Variants in PCSK4 observed in about 807,000 individuals in gnomAD.
PCSK4 encodes the protein testicular tissue protein Li 135.
A neutral mutation model predicts 80.3 loss-of-function variants in PCSK4; 64 were observed. The ratio of observed to expected loss-of-function variants is 0.80; its 90% CI spans 0.65 to 0.98. The LOEUF is 0.98. PCSK4 is among the 50% of genes least tolerant of loss of function. The pLI is 0.00. For synonymous variants in PCSK4, 561 were observed against 487.6 expected (o/e 1.15, Z -1.98); for missense variants, 1,213 against 1,093.6 (o/e 1.11, Z -1.54).
At chr19:1,488,601 G>C (rs894351224) in intron 2 of PCSK4, among the ~76,000 whole-genome samples, 6 of 151,582 alleles carry the variant, frequency 4.0e-5, no homozygotes, top group African/African-American at 1.5e-4. Context: ...CTTTTTTTGA[G>C]ACAGAGTCTT....
At chr19:1,482,374 C>A in exon 14 of PCSK4, 1 of 1,545,912 alleles carries the variant, frequency 6.5e-7, no homozygotes. Flanking sequence ...CCCTCTGTGT[C>A]CCGCTGCACA....
intron 6 of PCSK4, 84 bp downstream of exon 6, chr19:1,487,519 C>T: frequency 7.9e-7 from 1 of 1,260,792 alleles, no homozygotes; most frequent in Non-Finnish European, 1.1e-6. Context: ...GGGTGGGCTC[C>T]CGAGTCCTTG....
chr19:1,490,386 C>T, exon 1 of PCSK4: 5 of 792,580 alleles, frequency 6.3e-6, no homozygotes, highest in East Asian at 6.3e-5. Context: ...AATCCCCTCC[C>T]TCCCGCCAAA....
exon 4 of PCSK4, chr19:1,488,039 C>T: frequency 1.2e-6 from 2 of 1,613,478 alleles, no homozygotes; most frequent in Non-Finnish European, 8.5e-7. Flanking sequence ...CCTGGCCTGA[C>T]AGCCCCTGAC....
intron 11 of PCSK4, 54 bp downstream of exon 11, chr19:1,483,596 G>A: frequency 6.8e-7 from 1 of 1,479,000 alleles, no homozygotes; most frequent in Non-Finnish European, 9.2e-7. Context: ...GAGGCCTCAG[G>A]CCTGTCCCCC....
intron 8 of PCSK4, among the ~76,000 whole-genome samples, chr19:1,485,926 C>T (rs1238556829): frequency 6.6e-6 from 1 of 151,900 alleles, no homozygotes; most frequent in South Asian, 2.1e-4. Context: ...CCACTTTGGC[C>T]TCCCAAAGTG....
exon 3 of PCSK4, chr19:1,488,257 C>T (rs777742178): frequency 1.7e-5 from 27 of 1,613,396 alleles, no homozygotes; most frequent in East Asian, 6.7e-5. Context: ...GCCGCTGCAG[C>T]GTCTGCTGCT....
intron 8 of PCSK4, among the ~76,000 whole-genome samples, chr19:1,484,985 G>A (rs968920175): frequency 1.3e-5 from 2 of 148,402 alleles, no homozygotes; most frequent in Non-Finnish European, 3.0e-5. Context: ...GTCTCTACAG[G>A]AAAAATACAA....
intron 7 of PCSK4, 25 bp downstream of exon 7, chr19:1,487,116 C>CT (rs2084665443): frequency 6.2e-7 from 1 of 1,602,324 alleles, no homozygotes; most frequent in African/African-American, 1.3e-5. Context: ...CCTGCCACCC[C>CT]TGCCCTCCTC....
intron 2 of PCSK4, among the ~76,000 whole-genome samples, chr19:1,488,587 T>A (rs959621482): frequency 6.6e-6 from 1 of 152,136 alleles, no homozygotes; most frequent in Non-Finnish European, 1.5e-5. Flanking sequence ...TCCTTATTTT[T>A]TTTCTTTTTT....
At position 1,483,035 on chromosome 19, in the gene PCSK4, TGGGTGG is replaced by T; in HGVS notation, c.1572-21_1572-16del. The T allele has an allele frequency of 3.3e-4, 102 of 311,806 alleles. No homozygotes were observed. Among genetic ancestry groups the T allele is most frequent in the Middle Eastern group, 6.0e-4 (1 of 1,676 alleles). The allele number at this position is 311,806 out of a possible 1,614,324, so 19.3% of individuals were successfully genotyped here. A position where few individuals can be genotyped will look rare whatever the true frequency, so the allele number is the denominator to read the frequency against. On this transcript the variant is annotated splice_polypyrimidine_tract_variant and intron_variant, in intron 12 of 14. Coordinates refer to ENST00000300954, the Ensembl canonical transcript of PCSK4. Reference sequence around the variant, plus strand: ...CGTCCAAGGGTCTGGGACAGAAGGGTGGGTGGGGGTGGGGGTGTCAAGAGGGATGGC... The same window carrying T: ...CGTCCAAGGGTCTGGGACAGAAGGGTGGGTGGGGGTGTCAAGAGGGATGGC...
Position 1,487,129 on chromosome 19 carries a change from G to A in PCSK4, c.855+12C>T. ...GGCCTGCCACCCCTGCCCTCCTCGGGCTGCCACTCACCTTGGTCACACCAC... is the reference window on the plus strand; with the variant it reads ...GGCCTGCCACCCCTGCCCTCCTCGGACTGCCACTCACCTTGGTCACACCAC... On this transcript the variant is annotated intron_variant, in intron 7 of 14. Coordinates refer to ENST00000300954, the Ensembl canonical transcript of PCSK4. The A allele has an allele frequency of 6.2e-7, 1 of 1,603,070 alleles. No homozygotes were observed. Among genetic ancestry groups the A allele is most frequent in the African/African-American group, 1.3e-5 (1 of 74,904 alleles).
intron 8 of PCSK4, among the ~76,000 whole-genome samples, chr19:1,486,457 C>T (rs1304475628): frequency 2.0e-5 from 3 of 151,850 alleles, no homozygotes; most frequent in East Asian, 1.9e-4. Context: ...CCACCACGCC[C>T]GGCTAATTTT....
chr19:1,486,390 G>A (rs1167443817), intron 8 of PCSK4, among the ~76,000 whole-genome samples: 2 of 151,472 alleles, frequency 1.3e-5, no homozygotes, highest in South Asian at 2.1e-4. Context: ...CCTGCCTCCC[G>A]GGTTCATGCC....
chr19:1,486,235 C>T (rs1599225704), intron 8 of PCSK4, among the ~76,000 whole-genome samples: 1 of 151,876 alleles, frequency 6.6e-6, no homozygotes, highest in East Asian at 1.9e-4. Context: ...CCTTGGTCTC[C>T]CAAAGTGCTG....
In PCSK4 at chr19:1,483,639, A is replaced by AG. The variant is rs758230168; in HGVS notation, c.1391+10dup. 5.9e-5 allele frequency: 92 copies of AG among 1,568,976 alleles called. No individual in the cohort carries two copies. The Middle Eastern group carries it at 1.1e-3, about 18-fold the overall frequency. ...CAGCGGGGATAGCGGAGGGGCGCGC[A>AG]GGGGTCTCACGTGGGGCGGCTCTGG... is the stretch of plus-strand genomic sequence containing the variant. On this transcript the variant is annotated intron_variant, in intron 11 of 14. Coordinates refer to ENST00000300954, the Ensembl canonical transcript of PCSK4.
At chr19:1,482,296 T>C in intron 14 of PCSK4, 57 bp downstream of exon 14, 1 of 1,531,904 alleles carries the variant, frequency 6.5e-7, no homozygotes. Flanking sequence ...ACATGCACGC[T>C]GCCCACGGTG....
At position 1,484,142 on chromosome 19, in the gene PCSK4, G is replaced by T; in HGVS notation, c.1069-15C>A. The T allele has an allele frequency of 2.0e-6, 3 of 1,479,538 alleles. No homozygotes were observed. The highest frequency in any genetic ancestry group is 2.8e-6 in the Non-Finnish European group (3 of 1,086,502). 91.7% of individuals were successfully genotyped at this position (1,479,538 alleles called of 1,614,324 possible). A position where few individuals can be genotyped will look rare whatever the true frequency, so the allele number is the denominator to read the frequency against. ...TCCGTGGTGACCTGAGGGCAGAGGG[G>T]GGTGGGACTCGGGGGGCCGTGCACA... On this transcript the variant is annotated splice_polypyrimidine_tract_variant and intron_variant, in intron 8 of 14. Transcript: ENST00000300954.
chr19:1,483,303 AGCGCGT>A, exon 12 of PCSK4: 2 of 1,603,134 alleles, frequency 1.2e-6, no homozygotes, highest in Non-Finnish European at 1.7e-6. Flanking sequence ...ACGAGTGTGG[AGCGCGT>A]GCCCATGGGG....
Sources: gnomAD v4.1 joint callset for allele counts (sites outside exome capture counted in the v4.1 genomes callset) on GRCh38, gnomAD v4.1.1 for gene constraint, MANE v1.5 for transcripts, NCBI Gene and HGNC (gene_info 2026-07-23, HGNC 2026-07-21) for gene names.